Variants in CTNNA2 observed in about 807,000 individuals in gnomAD.
CTNNA2 encodes the protein catenin alpha-2.
CTNNA2 carries 42 observed loss-of-function variants against 101.0 expected under a neutral mutation model. The ratio of observed to expected loss-of-function variants is 0.42; its 90% CI spans 0.32 to 0.54. CTNNA2 has a LOEUF of 0.54. CTNNA2 is among the 20% of genes least tolerant of loss of function. CTNNA2 has a pLI of 0.14. For synonymous variants in CTNNA2, 450 were observed against 456.4 expected (o/e 0.99, Z 0.18); for missense variants, 871 against 1,223.1 (o/e 0.71, Z 4.29).
rs1042126622 is a variant in CTNNA2, at chr2:79,890,367, G to T, written c.852+16025G>T. 2.0e-5 allele frequency among the ~76,000 whole-genome samples: 3 copies of T among 152,292 alleles called. No homozygotes were observed. The East Asian group carries it at 5.8e-4, about 30-fold the overall frequency. On this transcript the variant is annotated intron_variant, in intron 6 of 18. Coordinates refer to ENST00000402739, the MANE Select transcript of CTNNA2 (RefSeq NM_001282597.3). ...AGAATGTGCATGGTATGCAAATGCA[G>T]TTTGAAGACAGGTCCTGTCTCCCTC...
chr2:80,382,021 G>A (rs1345155661), intron 7 of CTNNA2, among the ~76,000 whole-genome samples: 1 of 152,118 alleles, frequency 6.6e-6, no homozygotes, highest in Non-Finnish European at 1.5e-5. Context: ...CATAGGGGAG[G>A]TATTTGAGCA....
Position 79,467,615 on chromosome 2 carries a change from G to C in CTNNA2, c.-134-37439G>C, listed in dbSNP as rs563142554. The stretch of plus-strand genomic sequence containing the variant: ...TTGAAATGAAGGAAAAAATGTTAAG[G>C]GCAGCCAGAGAGAAAGGTTGGGTTA... On this transcript the variant is annotated intron_variant, in intron 4 of 21. Transcript: ENST00000466387. 1.1e-4 allele frequency among the ~76,000 whole-genome samples: 16 copies of C among 152,258 alleles called. No individual in the cohort carries two copies. The East Asian group carries it at 2.9e-3, about 28-fold the overall frequency.
intron 2 of CTNNA2, among the ~76,000 whole-genome samples, chr2:79,285,431 C>G (rs1242255534): frequency 6.8e-6 from 1 of 148,066 alleles, no homozygotes; most frequent in Admixed American, 6.8e-5. Flanking sequence ...TTGAATGCGT[C>G]CCAGAGATTC....
intron 7 of CTNNA2, among the ~76,000 whole-genome samples, chr2:80,183,375 A>G (rs1403520616): frequency 6.6e-6 from 1 of 152,200 alleles, no homozygotes; most frequent in Admixed American, 6.5e-5. Flanking sequence ...CAGCACAGCT[A>G]GCACCCATAT....
intron 7 of CTNNA2, among the ~76,000 whole-genome samples, chr2:80,102,871 T>C (rs1402622289): frequency 6.6e-6 from 1 of 152,076 alleles, no homozygotes; most frequent in Non-Finnish European, 1.5e-5. Flanking sequence ...GATAAAAGGG[T>C]GATCGTGACG....
intron 4 of CTNNA2, among the ~76,000 whole-genome samples, chr2:79,409,367 C>G (rs1012652874): frequency 5.9e-5 from 9 of 152,092 alleles, no homozygotes; most frequent in African/African-American, 2.2e-4. Flanking sequence ...GACATGAAGT[C>G]CTTGCCCATG....
At chr2:80,006,067 C>A (rs1358581157) in intron 7 of CTNNA2, among the ~76,000 whole-genome samples, 2 of 151,832 alleles carry the variant, frequency 1.3e-5, no homozygotes, top group Non-Finnish European at 2.9e-5. Context: ...TTAACAGAAA[C>A]CTATTTTGTG....
At chr2:79,910,240 A>C (rs1685691950) in intron 7 of CTNNA2, among the ~76,000 whole-genome samples, 1 of 152,202 alleles carries the variant, frequency 6.6e-6, no homozygotes, top group Non-Finnish European at 1.5e-5. Context: ...GGTTTAAAAA[A>C]CGTGTGGATA....
chr2:80,259,470 C>A (rs1672427202), intron 7 of CTNNA2, among the ~76,000 whole-genome samples: 1 of 152,182 alleles, frequency 6.6e-6, no homozygotes, highest in South Asian at 2.1e-4. Flanking sequence ...CCTGAGCTGC[C>A]TCCAGTAGTG....
At chr2:79,628,359 A>G (rs1679457359) in intron 1 of CTNNA2, among the ~76,000 whole-genome samples, 2 of 151,970 alleles carry the variant, frequency 1.3e-5, no homozygotes, top group Admixed American at 6.6e-5. Flanking sequence ...AGGCTTAGGC[A>G]GGAGAATCGC....
chr2:80,492,325 A>G (rs1687129310), intron 9 of CTNNA2, among the ~76,000 whole-genome samples: 1 of 152,078 alleles, frequency 6.6e-6, no homozygotes, highest in Non-Finnish European at 1.5e-5. Flanking sequence ...TGCTTCCTGT[A>G]CAACCTGCAG....
chr2:80,007,242 T>C (rs1433286302), intron 7 of CTNNA2, among the ~76,000 whole-genome samples: 2 of 152,134 alleles, frequency 1.3e-5, no homozygotes, highest in Non-Finnish European at 2.9e-5. Context: ...GATATACATA[T>C]AGTCTAACAT....
At chr2:79,806,547 C>A (rs1456759469) in intron 3 of CTNNA2, among the ~76,000 whole-genome samples, 1 of 152,096 alleles carries the variant, frequency 6.6e-6, no homozygotes, top group East Asian at 1.9e-4. Flanking sequence ...CCCTCATTGT[C>A]CGCAGGTGAC....
At chr2:79,340,668 C>G (rs926738992) in intron 3 of CTNNA2, among the ~76,000 whole-genome samples, 1 of 151,808 alleles carries the variant, frequency 6.6e-6, no homozygotes, top group Non-Finnish European at 1.5e-5. Context: ...CCTGTCTCTA[C>G]TAAAAATACA....
intron 7 of CTNNA2, among the ~76,000 whole-genome samples, chr2:80,132,300 G>T (rs1573177994): frequency 6.6e-6 from 1 of 152,150 alleles, no homozygotes; most frequent in East Asian, 1.9e-4. Context: ...GGGAGAGAGG[G>T]CTGTCTCATA....
intron 9 of CTNNA2, among the ~76,000 whole-genome samples, chr2:80,513,170 G>A (rs947457180): frequency 9.2e-5 from 14 of 152,238 alleles, no homozygotes; most frequent in African/African-American, 3.4e-4. Context: ...CCAGAGGGGG[G>A]TCCTACACAT....
intron 2 of CTNNA2, among the ~76,000 whole-genome samples, chr2:79,305,484 G>T (rs1287686513): frequency 6.6e-6 from 1 of 150,912 alleles, no homozygotes; most frequent in African/African-American, 2.4e-5. Context: ...TCTGTGCATG[G>T]TATGGTATCT....
intron 4 of CTNNA2, among the ~76,000 whole-genome samples, chr2:79,497,549 T>C (rs1671272042): frequency 6.6e-6 from 1 of 152,192 alleles, no homozygotes; most frequent in Admixed American, 6.5e-5. Context: ...GTTAACCATT[T>C]CTCAGTGTCT....
chr2:80,119,359 G>A (rs1701705038), intron 7 of CTNNA2, among the ~76,000 whole-genome samples: 1 of 152,194 alleles, frequency 6.6e-6, no homozygotes, highest in African/African-American at 2.4e-5. Flanking sequence ...GAAATGCAGA[G>A]GGACAGGGAT....
Sources: allele counts gnomAD v4.1 joint callset (sites outside exome capture counted in the v4.1 genomes callset), GRCh38; gene constraint gnomAD v4.1.1; transcripts MANE v1.5; gene names NCBI Gene and HGNC (gene_info 2026-07-23, HGNC 2026-07-21).